MBOAT2: variants seen among roughly 807,000 people sequenced by gnomAD.
MBOAT2 encodes the protein membrane bound glycerophospholipid O-acyltransferase 2.
Under a neutral mutation model 63.4 loss-of-function variants are expected in MBOAT2, and 28 were observed. The ratio of observed to expected loss-of-function variants is 0.44; its 90% CI spans 0.33 to 0.61. The LOEUF (loss-of-function observed/expected upper bound fraction) is 0.61. Ranked by LOEUF, MBOAT2 falls within the 20% of genes least tolerant of loss-of-function variation. MBOAT2 has a pLI of 0.03. For missense variants in MBOAT2, 470 were observed against 605.8 expected (o/e 0.78, Z 2.35); for synonymous variants, 211 against 215.6 (o/e 0.98, Z 0.19).
chr2:8,869,773 T>G (rs1662179879), intron 8 of MBOAT2, among the ~76,000 whole-genome samples: 1 of 152,200 alleles, frequency 6.6e-6, no homozygotes, highest in South Asian at 2.1e-4. Flanking sequence ...ATTAACCGCA[T>G]GGGCAGCATA....
intron 1 of MBOAT2, among the ~76,000 whole-genome samples, chr2:8,975,788 T>C (rs73912904): frequency 1.2e-5 from 1 of 86,466 alleles, no homozygotes. Flanking sequence ...GACAATTAAA[T>C]GAACAATACA....
chr2:8,984,629 T>C (rs2103345487), intron 1 of MBOAT2, among the ~76,000 whole-genome samples: 1 of 152,122 alleles, frequency 6.6e-6, no homozygotes, highest in Non-Finnish European at 1.5e-5. Context: ...GAGGATGTAC[T>C]AGTACAGAAA....
intron 3 of MBOAT2, among the ~76,000 whole-genome samples, chr2:8,925,219 G>A (rs910732079): frequency 6.6e-6 from 1 of 152,000 alleles, no homozygotes; most frequent in Non-Finnish European, 1.5e-5. Context: ...ATCACTGACT[G>A]TTCCTCAGGG....
intron 9 of MBOAT2, among the ~76,000 whole-genome samples, 173 bp downstream of exon 9, chr2:8,868,273 C>T (rs1662045459): frequency 6.6e-6 from 1 of 152,186 alleles, no homozygotes; most frequent in Non-Finnish European, 1.5e-5. Flanking sequence ...TATTCCTTGT[C>T]TCCAGTGCCC....
intron 3 of MBOAT2, among the ~76,000 whole-genome samples, chr2:8,914,895 C>CT (rs947449729): frequency 1.4e-4 from 15 of 108,258 alleles, no homozygotes; most frequent in East Asian, 8.6e-4. Context: ...ACTTAATGTG[C>CT]TTTTTTTTCA....
intron 1 of MBOAT2, among the ~76,000 whole-genome samples, chr2:8,973,267 G>T (rs1670576690): frequency 2.0e-5 from 3 of 150,670 alleles, no homozygotes; most frequent in African/African-American, 7.3e-5. Flanking sequence ...ACTATCACAG[G>T]GATAAAAAAC....
chr2:8,950,902 T>G (rs1455080849), intron 2 of MBOAT2, among the ~76,000 whole-genome samples: 1 of 152,188 alleles, frequency 6.6e-6, no homozygotes, highest in East Asian at 1.9e-4. Context: ...GATGATCATA[T>G]AGTTTTCATT....
intron 1 of MBOAT2, among the ~76,000 whole-genome samples, chr2:8,986,527 C>T (rs952351117): frequency 5.3e-5 from 8 of 151,876 alleles, no homozygotes; most frequent in Non-Finnish European, 1.0e-4. Context: ...CACATGACTG[C>T]ACTCTAGGCT....
chr2:8,955,489 G>GT (rs1308323239), intron 2 of MBOAT2, among the ~76,000 whole-genome samples: 2 of 152,202 alleles, frequency 1.3e-5, no homozygotes, highest in African/African-American at 2.4e-5. Context: ...AGGATCTGGG[G>GT]TGTCCTTCAC....
chr2:8,984,677 G>GGAAGA (rs1469882535), intron 1 of MBOAT2, among the ~76,000 whole-genome samples: 1 of 151,824 alleles, frequency 6.6e-6, no homozygotes, highest in African/African-American at 2.4e-5. Context: ...GGGAGGGAAG[G>GGAAGA]GAAGAGAAAA....
chr2:9,002,679 CTT>C (rs1376484104), intron 1 of MBOAT2, among the ~76,000 whole-genome samples: 1 of 149,244 alleles, frequency 6.7e-6, no homozygotes, highest in Non-Finnish European at 1.5e-5. Context: ...TACTTCCAAA[CTT>C]TCTTTTCTCA....
In MBOAT2 at chr2:8,852,703, C is replaced by G. The variant is rs1558533282; in HGVS notation, c.*5976G>C. 1 of 152,034 alleles carries G rather than the reference C, an allele frequency of 6.6e-6. No homozygotes were observed. The highest frequency in any genetic ancestry group is 1.9e-4 in the East Asian group (1 of 5,202). 9.4% of individuals were successfully genotyped at this position (152,034 alleles called of 1,614,324 possible). ...CACACACACGCATATTTTTAAACTA[C>G]TGTTTAATCAGTTGTAAAGACACAC... On this transcript the variant is annotated 3_prime_UTR_variant, in exon 13 of 13. Coordinates refer to ENST00000305997, the MANE Select transcript of MBOAT2 (RefSeq NM_138799.4).
chr2:8,978,120 G>T (rs1164631074), intron 1 of MBOAT2, among the ~76,000 whole-genome samples: 2 of 151,864 alleles, frequency 1.3e-5, no homozygotes, highest in Non-Finnish European at 2.9e-5. Flanking sequence ...TAAAATCTCC[G>T]CTCCTTACTC....
At chr2:8,923,329 A>G (rs1193266839) in intron 3 of MBOAT2, among the ~76,000 whole-genome samples, 3 of 152,198 alleles carry the variant, frequency 2.0e-5, no homozygotes, top group Admixed American at 6.6e-5. Flanking sequence ...TGTGAAACCT[A>G]AAGAACTGGT....
chr2:8,933,645 T>C (rs537735110), intron 3 of MBOAT2, among the ~76,000 whole-genome samples: 109 of 152,330 alleles, frequency 7.2e-4, no homozygotes, highest in African/African-American at 2.5e-3. Context: ...GAATGACATC[T>C]TTTGATTTTT....
chr2:8,940,863 C>T (rs1668002917), intron 3 of MBOAT2, among the ~76,000 whole-genome samples: 1 of 152,094 alleles, frequency 6.6e-6, no homozygotes, highest in Non-Finnish European at 1.5e-5. Context: ...ATTTTAAAGA[C>T]TTAAACTCTG....
At chr2:8,962,360 T>C (rs1057254946) in intron 1 of MBOAT2, among the ~76,000 whole-genome samples, 4 of 152,224 alleles carry the variant, frequency 2.6e-5, no homozygotes, top group African/African-American at 9.6e-5. Flanking sequence ...TGGTCTTTAG[T>C]ACCAGTCACC....
At chr2:8,873,341 C>A in intron 7 of MBOAT2, 41 bp from the exon 8 acceptor site, 1 of 1,582,550 alleles carries the variant, frequency 6.3e-7, no homozygotes, top group Non-Finnish European at 8.6e-7. Flanking sequence ...TTTATCCATG[C>A]TCCTTTTAAT....
intron 4 of MBOAT2, among the ~76,000 whole-genome samples, chr2:8,889,791 G>A (rs1224768645): frequency 6.6e-6 from 1 of 152,174 alleles, no homozygotes; most frequent in East Asian, 1.9e-4. Context: ...GACACAGTAA[G>A]CTGTCAGGTA....
Sources: gnomAD v4.1 joint callset for allele counts (sites outside exome capture counted in the v4.1 genomes callset) on GRCh38, gnomAD v4.1.1 for gene constraint, MANE v1.5 for transcripts, NCBI Gene and HGNC (gene_info 2026-07-23, HGNC 2026-07-21) for gene names.